The following FIGN variants were observed in gnomAD, a reference collection of about 807,000 sequenced individuals.
The protein encoded by FIGN is fidgetin, microtubule severing factor, also known as fidgetin.
FIGN carries 11 observed loss-of-function variants against 51.3 expected under a neutral mutation model. The ratio of observed to expected loss-of-function variants is 0.21; its 90% CI spans 0.13 to 0.35. FIGN has a LOEUF of 0.35. Ranked by LOEUF, FIGN falls within the 10% of genes least tolerant of loss-of-function variation. The probability of loss-of-function intolerance (pLI) is 1.00; values close to 1 mark genes in which losing one functional copy is unlikely to be tolerated. For missense variants in FIGN, 857 were observed against 943.6 expected (o/e 0.91, Z 1.20); for synonymous variants, 407 against 363.2 (o/e 1.12, Z -1.37).
chr2:163,710,790 T>C (rs1411837155), intron 2 of FIGN, among the ~76,000 whole-genome samples: 14 of 152,158 alleles, frequency 9.2e-5, no homozygotes, highest in Admixed American at 2.6e-4. Context: ...GGTACTACTT[T>C]ATCTAGTAGA....
In FIGN at chr2:163,667,740, G is replaced by A. The variant is rs145178430; in HGVS notation, c.26-55934C>T. ...TGGGATTAATCATATCCTGTTCTAG[G>A]CAGCTTCTGTACTTTGGACAGGGTT... On this transcript the variant is annotated intron_variant, in intron 2 of 2. Transcript: ENST00000333129. Among the ~76,000 whole-genome samples the A allele has an allele frequency of 1.5e-3, 229 of 152,156 alleles. 1 individual carries two copies. The highest frequency in any genetic ancestry group is 5.3e-3 in the African/African-American group (222 of 41,502).
chr2:163,694,031 G>A (rs1205879001), intron 2 of FIGN, among the ~76,000 whole-genome samples: 1 of 152,164 alleles, frequency 6.6e-6, no homozygotes, highest in Non-Finnish European at 1.5e-5. Flanking sequence ...GGGAAGAGCT[G>A]GAGCATCCAG....
chr2:163,621,383 T>A (rs1682970011), intron 2 of FIGN, among the ~76,000 whole-genome samples: 1 of 152,186 alleles, frequency 6.6e-6, no homozygotes, highest in Non-Finnish European at 1.5e-5. Context: ...CATAGTGCAT[T>A]AATTCAGTGT....
rs1558993499 is a variant in FIGN at position 163,610,248 on chromosome 2, C to G, written c.1584G>C (p.Arg528=). 1.2e-6 allele frequency: 2 copies of G among 1,614,138 alleles called. No individual in the cohort carries two copies. The highest frequency in any genetic ancestry group is 8.5e-7 in the Non-Finnish European group (1 of 1,180,032). ...TGCCCAATAATGTTTTGCCTGTCCC[C>G]CGAGGTCCAAATAAAAGGATGCTCC... ...LPRSILLFGP[R]GTGKTLLGRC... is the part of the protein sequence containing the mutation. Residue 528 remains arginine (R), a synonymous_variant, in exon 3 of 3, where the codon CGG becomes CGC. Transcript: ENST00000333129.
At chr2:163,647,983 A>T (rs1315277989) in intron 2 of FIGN, among the ~76,000 whole-genome samples, 1 of 152,142 alleles carries the variant, frequency 6.6e-6, no homozygotes, top group Non-Finnish European at 1.5e-5. Context: ...GGCAAAGAAC[A>T]AGTGGCTGAG....
At chr2:163,646,247 T>C (rs905701038) in intron 2 of FIGN, among the ~76,000 whole-genome samples, 2 of 152,096 alleles carry the variant, frequency 1.3e-5, no homozygotes, top group African/African-American at 2.4e-5. Context: ...TTCTATTGCA[T>C]CCCTTTTTTT....
chr2:163,701,892 G>A (rs1196227692), intron 2 of FIGN, among the ~76,000 whole-genome samples: 4 of 152,144 alleles, frequency 2.6e-5, no homozygotes, highest in Non-Finnish European at 5.9e-5. Context: ...ACCTTCTGGT[G>A]TAAGTACTAT....
chr2:163,722,993 C>T (rs2219586), intron 2 of FIGN, among the ~76,000 whole-genome samples: 151,457 of 151,780 alleles, frequency 1, 75,576 homozygotes, highest in Middle Eastern at 1. Flanking sequence ...GAGACCATCC[C>T]GGCTAACACG....
At chr2:163,615,201 G>A (rs190091791) in intron 2 of FIGN, among the ~76,000 whole-genome samples, 3 of 152,142 alleles carry the variant, frequency 2.0e-5, no homozygotes, top group African/African-American at 7.2e-5. Flanking sequence ...CCTTTGCAGA[G>A]CTGCAAAAGG....
intron 2 of FIGN, among the ~76,000 whole-genome samples, chr2:163,631,504 T>C (rs142401583): frequency 0.012 from 1,795 of 152,186 alleles, 44 homozygotes; most frequent in African/African-American, 0.041. Flanking sequence ...GCTTGAGCGT[T>C]CTCCTCCAGC....
At chr2:163,713,323 T>C (rs943931783) in intron 2 of FIGN, among the ~76,000 whole-genome samples, 3 of 152,108 alleles carry the variant, frequency 2.0e-5, no homozygotes, top group Non-Finnish European at 4.4e-5. Context: ...AGTAGTGGAA[T>C]TATCAGTACA....
chr2:163,682,523 A>T (rs182538389), intron 2 of FIGN, among the ~76,000 whole-genome samples: 14 of 152,328 alleles, frequency 9.2e-5, no homozygotes, highest in Non-Finnish European at 1.8e-4. Flanking sequence ...TCCAGAAAAT[A>T]ATTACAGAAC....
At chr2:163,701,713 C>T (rs10202996) in intron 2 of FIGN, among the ~76,000 whole-genome samples, 85,350 of 152,056 alleles carry the variant, frequency 0.56, 26,545 homozygotes, top group Admixed American at 0.69. Flanking sequence ...AGTAGCTGAA[C>T]GCTAATCAGC....
At chr2:163,667,340 A>C (rs917647258) in intron 2 of FIGN, among the ~76,000 whole-genome samples, 7 of 148,962 alleles carry the variant, frequency 4.7e-5, no homozygotes, top group Admixed American at 3.4e-4. Flanking sequence ...TATCCCCACA[A>C]AAAAAAAAAA....
At chr2:163,675,907 A>C (rs541550601) in intron 2 of FIGN, among the ~76,000 whole-genome samples, 1 of 150,818 alleles carries the variant, frequency 6.6e-6, no homozygotes, top group Non-Finnish European at 1.5e-5. Flanking sequence ...GTGGCACAGG[A>C]ATCTTGTACC....
chr2:163,682,874 T>C (rs572911301), intron 2 of FIGN, among the ~76,000 whole-genome samples: 161 of 152,314 alleles, frequency 1.1e-3, no homozygotes, highest in Non-Finnish European at 2.0e-3. Context: ...ATTTTAGCTA[T>C]ATGACTTTGG....
chr2:163,711,671 A>AC (rs1393802779), intron 2 of FIGN, among the ~76,000 whole-genome samples: 190 of 151,878 alleles, frequency 1.3e-3, no homozygotes, highest in African/African-American at 4.4e-3. Context: ...AAAAAAAAAA[A>AC]AACTATTTCA....
chr2:163,624,595 G>A (rs1261295892), intron 2 of FIGN, among the ~76,000 whole-genome samples: 1 of 151,660 alleles, frequency 6.6e-6, no homozygotes, highest in Non-Finnish European at 1.5e-5. Flanking sequence ...TTAGTGAGCT[G>A]TGGAAAGGAA....
rs1691212752 is a variant in FIGN at position 163,610,332 on chromosome 2, C to G, written c.1500G>C (p.Glu500Asp). 2 of 1,614,066 alleles carry G rather than the reference C, an allele frequency of 1.2e-6. No individual in the cohort carries two copies. The highest frequency in any genetic ancestry group is 2.7e-5 in the African/African-American group (2 of 74,920). Residue 500 changes from glutamate (E) to aspartate (D), a missense_variant, in exon 3 of 3, where the codon GAG (glutamate) becomes GAC (aspartate). This residue lies in a region of FIGN where 799 missense variants were observed against 849.5 expected (regional missense o/e 0.94). Transcript: ENST00000333129. The stretch of plus-strand genomic sequence containing the variant: ...ACCTCAACACTGGCCATAAAACCTC[C>G]TCTTTAATGACAGCCTTCACCAGGT... Reference protein sequence around the residue: ...GLDLVKAVIKEEVLWPVLRSD... With the variant: ...GLDLVKAVIKDEVLWPVLRSD...
Sources: allele counts gnomAD v4.1 joint callset (sites outside exome capture counted in the v4.1 genomes callset), GRCh38; gene constraint gnomAD v4.1.1; regional missense constraint gnomAD v4.1.1; transcripts MANE v1.5; gene names NCBI Gene and HGNC (gene_info 2026-07-23, HGNC 2026-07-21).